Variants in ANKS1B observed in about 807,000 individuals in gnomAD.
The protein encoded by ANKS1B is ankyrin repeat and sterile alpha motif domain containing 1B.
ANKS1B carries 36 observed loss-of-function variants against 148.3 expected under a neutral mutation model. The observed-to-expected ratio is 0.24, with a 90% CI of 0.19 to 0.32. The LOEUF (loss-of-function observed/expected upper bound fraction) is 0.32. Among genes scored for constraint, ANKS1B ranks in the 10% least tolerant of loss-of-function variants. The pLI is 1.00. For synonymous variants in ANKS1B, 542 were observed against 560.8 expected, an observed-to-expected ratio of 0.97 and a Z score of 0.47; for missense variants, 1,157 against 1,542.6, an observed-to-expected ratio of 0.75 and a Z score of 4.19.
At chr12:98,920,637 G>A (rs2152904212) in intron 17 of ANKS1B, among the ~76,000 whole-genome samples, 1 of 152,278 alleles carries the variant, frequency 6.6e-6, no homozygotes, top group Non-Finnish European at 1.5e-5. Flanking sequence ...CTCCCACCTG[G>A]TCCCTCCCAC....
intron 17 of ANKS1B, among the ~76,000 whole-genome samples, chr12:99,006,635 C>A (rs951122819): frequency 6.6e-6 from 1 of 152,140 alleles, no homozygotes; most frequent in African/African-American, 2.4e-5. Flanking sequence ...GTGGGCTCAG[C>A]CCCAAACTGT....
At chr12:98,826,656 A>T (rs555243250) in intron 19 of ANKS1B, among the ~76,000 whole-genome samples, 7 of 152,338 alleles carry the variant, frequency 4.6e-5, no homozygotes, top group African/African-American at 1.7e-4. Flanking sequence ...GTAGGTAAGA[A>T]AGAAAGCCTG....
intron 22 of ANKS1B, among the ~76,000 whole-genome samples, chr12:98,789,080 T>C (rs969020419): frequency 1.3e-5 from 2 of 152,242 alleles, no homozygotes; most frequent in Non-Finnish European, 2.9e-5. Context: ...TAGTGGCTCA[T>C]GCCTATAATC....
chr12:99,067,177 T>G (rs942753767), intron 16 of ANKS1B, among the ~76,000 whole-genome samples: 4 of 152,302 alleles, frequency 2.6e-5, no homozygotes, highest in Admixed American at 1.3e-4. Flanking sequence ...GTAGGCAGAA[T>G]TAGCACCAGC....
chr12:99,195,926 T>C (rs891790183), intron 14 of ANKS1B, among the ~76,000 whole-genome samples: 5 of 152,114 alleles, frequency 3.3e-5, no homozygotes, highest in African/African-American at 4.8e-5. Flanking sequence ...AACTTAACCA[T>C]TATGATGTGA....
chr12:99,908,538 G>A (rs941804043), intron 1 of ANKS1B, among the ~76,000 whole-genome samples: 4 of 152,004 alleles, frequency 2.6e-5, no homozygotes, highest in African/African-American at 7.2e-5. Context: ...CCATGATCAC[G>A]CCACTGCACT....
chr12:99,820,163 G>T (rs370970994), intron 2 of ANKS1B, among the ~76,000 whole-genome samples: 1 of 151,772 alleles, frequency 6.6e-6, no homozygotes, highest in African/African-American at 2.4e-5. Flanking sequence ...TTTCTAATCT[G>T]TGATTACAAA....
chr12:99,157,772 G>A lies in ANKS1B; in HGVS notation c.2420-3377C>T, dbSNP rs560517065. 1.4e-4 allele frequency among the ~76,000 whole-genome samples: 21 copies of A among 152,216 alleles called. No individual in the cohort carries two copies. In the South Asian group the frequency reaches 1.5e-3, roughly 11 times the overall value. Reference sequence around the variant, plus strand: ...ACCTCACCACTTTGGATATATCCATGTAACAAATCTGCACTTGTACCTCTT... The same window carrying A: ...ACCTCACCACTTTGGATATATCCATATAACAAATCTGCACTTGTACCTCTT... On this transcript the variant is annotated intron_variant, in intron 14 of 26. Coordinates refer to ENST00000683438, the MANE Select transcript of ANKS1B (RefSeq NM_001352186.2).
intron 9 of ANKS1B, among the ~76,000 whole-genome samples, chr12:99,581,079 AC>A (rs2153228492): frequency 6.6e-6 from 1 of 152,300 alleles, no homozygotes; most frequent in African/African-American, 2.4e-5. Flanking sequence ...AAATAAGGAA[AC>A]GCAAAGTACC....
At chr12:99,812,399 G>C in intron 2 of ANKS1B, 88 bp from the exon 3 acceptor site, 1 of 1,382,578 alleles carries the variant, frequency 7.2e-7, no homozygotes, top group Middle Eastern at 1.9e-4. Context: ...CTAGATGCTG[G>C]GTGGGAATTT....
Position 99,806,529 on chromosome 12 carries a change from T to C in ANKS1B, c.544A>G (p.Ser182Gly). Reference protein sequence around the residue: ...GRLRVVKMIISAHPNLMSCNT... With the variant: ...GRLRVVKMIIGAHPNLMSCNT... ...CAGCTCATTAAGTTAGGATGTGCAC[T>C]GATGATCATTTTTACCACTCTAAGC... Residue 182 changes from serine (S) to glycine (G), a missense_variant, in exon 4 of 27, where the codon AGT (serine) becomes GGT (glycine). Around this residue, in one of 6 missense-constraint regions of ANKS1B, gnomAD observed 164 missense variants for 232.6 expected, o/e 0.71. Coordinates refer to ENST00000683438, the MANE Select transcript of ANKS1B (RefSeq NM_001352186.2). 6.2e-7 allele frequency: 1 copy of C among 1,613,930 alleles called. No individual in the cohort carries two copies. Among genetic ancestry groups the C allele is most frequent in the African/African-American group, 1.3e-5 (1 of 75,048 alleles).
intron 24 of ANKS1B, 111 bp downstream of exon 24, chr12:98,781,005 GA>G: frequency 1.5e-6 from 1 of 653,142 alleles, no homozygotes; most frequent in Non-Finnish European, 2.6e-6. Flanking sequence ...AAGGTTGGGG[GA>G]AAGGGATGAT....
intron 9 of ANKS1B, among the ~76,000 whole-genome samples, chr12:99,540,012 A>T (rs2097109739): frequency 6.6e-6 from 1 of 152,204 alleles, no homozygotes; most frequent in East Asian, 1.9e-4. Context: ...AACTTCAGTG[A>T]CTATACTAAT....
chr12:98,924,418 T>G (rs2099805382), intron 17 of ANKS1B, among the ~76,000 whole-genome samples: 1 of 152,216 alleles, frequency 6.6e-6, no homozygotes, highest in South Asian at 2.1e-4. Context: ...TCCCCTCTAT[T>G]TTCTTCTATG....
At chr12:98,871,256 T>C (rs61933627) in intron 17 of ANKS1B, among the ~76,000 whole-genome samples, 13,225 of 152,230 alleles carry the variant, frequency 0.087, 617 homozygotes, top group Non-Finnish European at 0.1. Context: ...ATAAATACTA[T>C]CATCCATAAT....
At chr12:98,762,936 C>T (rs2098431655) in intron 25 of ANKS1B, among the ~76,000 whole-genome samples, 2 of 152,188 alleles carry the variant, frequency 1.3e-5, no homozygotes. Context: ...CTGGTAGGTC[C>T]CTAAGATAAG....
At chr12:99,424,570 G>T (rs1295857958) in intron 11 of ANKS1B, among the ~76,000 whole-genome samples, 1 of 151,298 alleles carries the variant, frequency 6.6e-6, no homozygotes, top group Non-Finnish European at 1.5e-5. Flanking sequence ...AAACAATCTG[G>T]ATTTTATGTG....
At chr12:99,312,853 A>G (rs1453797460) in intron 12 of ANKS1B, among the ~76,000 whole-genome samples, 2 of 152,284 alleles carry the variant, frequency 1.3e-5, no homozygotes, top group East Asian at 1.9e-4. Context: ...TAACATCACA[A>G]TTAAAAGAGC....
At chr12:99,182,932 T>C (rs894581204) in intron 14 of ANKS1B, among the ~76,000 whole-genome samples, 31 of 152,220 alleles carry the variant, frequency 2.0e-4, no homozygotes, top group Non-Finnish European at 7.3e-5. Flanking sequence ...CACACTTTTA[T>C]ATGTCTCTTT....
Sources: gnomAD v4.1 joint callset for allele counts (sites outside exome capture counted in the v4.1 genomes callset) on GRCh38, gnomAD v4.1.1 for gene constraint, gnomAD v4.1.1 regional missense constraint, MANE v1.5 for transcripts, NCBI Gene and HGNC (gene_info 2026-07-23, HGNC 2026-07-21) for gene names.